MICAL2: variants seen among roughly 807,000 people sequenced by gnomAD.
MICAL2 encodes the protein microtubule associated monooxygenase, calponin and LIM domain containing 2.
Under a neutral mutation model 127.3 loss-of-function variants are expected in MICAL2, and 77 were observed. The ratio of observed to expected loss-of-function variants is 0.60; its 90% CI spans 0.50 to 0.73. The LOEUF is 0.73. Among genes scored for constraint, MICAL2 ranks in the 30% least tolerant of loss-of-function variants. The pLI is 0.00. For synonymous variants in MICAL2, 570 were observed against 551.1 expected (o/e 1.03, Z -0.48); for missense variants, 1,351 against 1,434.4 (o/e 0.94, Z 0.94).
intron 32 of MICAL2, among the ~76,000 whole-genome samples, chr11:12,348,483 A>T (rs572737280): frequency 6.6e-6 from 1 of 152,158 alleles, no homozygotes; most frequent in Admixed American, 6.5e-5. Context: ...GGGTCCTAGA[A>T]CTAGTCCTCC....
In MICAL2 at chr11:12,227,093, T is replaced by G. The variant is rs964315594; in HGVS notation, c.1957T>G (p.Tyr653Asp). The G allele has an allele frequency of 6.2e-7, 1 of 1,614,064 alleles. No homozygotes were observed. Among genetic ancestry groups the G allele is most frequent in the Non-Finnish European group, 8.5e-7 (1 of 1,179,954 alleles). ...GGCCAAATCATCCATTTCTAATAAC[T>G]ATCTCAACCTCACATTTCCAAGGAA... is the stretch of plus-strand genomic sequence containing the variant. The part of the protein sequence containing the change: ...SLAKSSISNN[Y>D]LNLTFPRKRT... Residue 653 changes from tyrosine (Y) to aspartate (D), a missense_variant, in exon 15 of 28, where the codon TAT becomes GAT. Around this residue, in one of 2 missense-constraint regions of MICAL2, gnomAD observed 752 missense variants for 719.4 expected, o/e 1.05. Coordinates refer to ENST00000683283, the MANE Select transcript of MICAL2 (RefSeq NM_001282663.2).
At chr11:12,342,483 G>T (rs1938882780) in intron 32 of MICAL2, among the ~76,000 whole-genome samples, 2 of 152,188 alleles carry the variant, frequency 1.3e-5, no homozygotes, top group African/African-American at 4.8e-5. Flanking sequence ...TATAGTCAAG[G>T]CAGGGGTTAT....
At chr11:12,347,381 C>A (rs1938971739) in intron 32 of MICAL2, among the ~76,000 whole-genome samples, 1 of 152,156 alleles carries the variant, frequency 6.6e-6, no homozygotes, top group Admixed American at 6.5e-5. Flanking sequence ...TTGGTAGGCA[C>A]AATGCCTCAC....
At chr11:12,129,770 G>T (rs1403480440) in intron 1 of MICAL2, among the ~76,000 whole-genome samples, 2 of 151,520 alleles carry the variant, frequency 1.3e-5, no homozygotes, top group African/African-American at 2.4e-5. Context: ...AGCAGTGGTG[G>T]GATCATAGCT....
chr11:12,238,694 C>T (rs1590558158), intron 16 of MICAL2, among the ~76,000 whole-genome samples: 1 of 151,982 alleles, frequency 6.6e-6, no homozygotes. Context: ...TGATGCAATC[C>T]GAATAAAGTG....
chr11:12,152,064 G>A (rs1270213375), intron 2 of MICAL2, among the ~76,000 whole-genome samples: 1 of 150,736 alleles, frequency 6.6e-6, no homozygotes, highest in Non-Finnish European at 1.5e-5. Context: ...GAGGAGGGTG[G>A]ATCACTTGAG....
chr11:12,178,587 G>C (rs1484745492), intron 3 of MICAL2, among the ~76,000 whole-genome samples: 1 of 152,002 alleles, frequency 6.6e-6, no homozygotes, highest in Non-Finnish European at 1.5e-5. Context: ...AGAAATGTTT[G>C]AGTTAAGAAA....
At chr11:12,259,459 T>C (rs1418748887) in intron 25 of MICAL2, among the ~76,000 whole-genome samples, 3 of 152,246 alleles carry the variant, frequency 2.0e-5, no homozygotes, top group Non-Finnish European at 4.4e-5. Context: ...CTTTACGTCG[T>C]TGGAATTTTT....
At chr11:12,287,187 G>A (rs542797773) in exon 3 of MICAL2, 2 of 398,890 alleles carry the variant, frequency 5.0e-6, no homozygotes, top group African/African-American at 2.1e-5. Context: ...CTCTCTGGGG[G>A]TGGGAGGCTG....
intron 13 of MICAL2, among the ~76,000 whole-genome samples, chr11:12,225,961 T>C (rs1443997434): frequency 6.6e-6 from 1 of 152,218 alleles, no homozygotes; most frequent in African/African-American, 2.4e-5. Flanking sequence ...AATAACGTCA[T>C]CATGGCCCAG....
At chr11:12,149,103 TGGGC>T (rs1275224315) in intron 2 of MICAL2, among the ~76,000 whole-genome samples, 2 of 152,174 alleles carry the variant, frequency 1.3e-5, no homozygotes, top group Non-Finnish European at 2.9e-5. Flanking sequence ...TAAAGACCAC[TGGGC>T]TTTCACAAGG....
intron 3 of MICAL2, among the ~76,000 whole-genome samples, chr11:12,169,798 G>T (rs923833996): frequency 6.6e-6 from 1 of 152,178 alleles, no homozygotes; most frequent in Admixed American, 6.5e-5. Flanking sequence ...GAGACAAAGG[G>T]TATGTGTGCT....
intron 32 of MICAL2, among the ~76,000 whole-genome samples, chr11:12,348,993 T>C (rs1939001013): frequency 6.6e-6 from 1 of 152,212 alleles, no homozygotes; most frequent in Non-Finnish European, 1.5e-5. Context: ...TTAAGCAACT[T>C]GCACAAGGTC....
chr11:12,332,218 A>C (rs756001092), intron 32 of MICAL2, among the ~76,000 whole-genome samples: 2 of 152,178 alleles, frequency 1.3e-5, no homozygotes, highest in Non-Finnish European at 1.5e-5. Context: ...TTCCATAACT[A>C]TTTGTTCTCA....
intron 26 of MICAL2, chr11:12,260,613 CT>C: frequency 1.0e-6 from 1 of 988,154 alleles, no homozygotes. Context: ...GTGCCATCTC[CT>C]GACCAGTGCC....
intron 1 of MICAL2, among the ~76,000 whole-genome samples, chr11:12,134,485 T>G (rs1315856419): frequency 6.6e-6 from 1 of 152,216 alleles, no homozygotes; most frequent in Non-Finnish European, 1.5e-5. Context: ...GGAAGGGCCC[T>G]GCTCCAGGGG....
chr11:12,324,719 C>G (rs1312896264), intron 31 of MICAL2, among the ~76,000 whole-genome samples: 6 of 152,182 alleles, frequency 3.9e-5, no homozygotes, highest in African/African-American at 1.4e-4. Flanking sequence ...CCAGTATACC[C>G]TCACATCCCT....
rs375157654 is a variant in MICAL2, at chr11:12,149,815, G to A, written c.-78+11355G>A. Among the ~76,000 whole-genome samples, 6 of 152,338 alleles carry A rather than the reference G, an allele frequency of 3.9e-5. No individual in the cohort carries two copies. In the South Asian group the frequency reaches 6.2e-4, roughly 16 times the overall value. On this transcript the variant is annotated intron_variant, in intron 2 of 27. Coordinates refer to ENST00000683283, the MANE Select transcript of MICAL2 (RefSeq NM_001282663.2). ...AGGGCCTGAAATGCAGCAGGGAGCT[G>A]TGTGGTGCAAGTACAGCCTGGGGAG...
chr11:12,226,743 C>G (rs1264246422), intron 14 of MICAL2, among the ~76,000 whole-genome samples: 2 of 147,216 alleles, frequency 1.4e-5, no homozygotes, highest in African/African-American at 5.0e-5. Context: ...AGCTCTGCCT[C>G]CTGGGTTCAC....
Sources: gnomAD v4.1 joint callset for allele counts (sites outside exome capture counted in the v4.1 genomes callset) on GRCh38, gnomAD v4.1.1 for gene constraint, gnomAD v4.1.1 regional missense constraint, MANE v1.5 for transcripts, NCBI Gene and HGNC (gene_info 2026-07-23, HGNC 2026-07-21) for gene names.